The following CNTRL variants were observed in gnomAD, a reference collection of about 807,000 sequenced individuals.
CNTRL encodes centriolin, also known as 110 kDa centrosomal protein.
In CNTRL, 233 loss-of-function variants were observed where a neutral mutation model predicts 303.7. The ratio of observed to expected loss-of-function variants is 0.77; its 90% CI spans 0.69 to 0.86. The LOEUF is 0.86. CNTRL is among the 40% of genes least tolerant of loss of function. The probability of loss-of-function intolerance (pLI) is 0.00; values close to 1 mark genes in which losing one functional copy is unlikely to be tolerated. For synonymous variants in CNTRL, 900 were observed against 922.2 expected, an observed-to-expected ratio of 0.98 and a Z score of 0.44; for missense variants, 2,524 against 2,650.6, an observed-to-expected ratio of 0.95 and a Z score of 1.05.
Position 121,148,701 on chromosome 9 carries a change from G to A in CNTRL, c.3489G>A (p.Lys1163=). The A allele has an allele frequency of 1.2e-6, 2 of 1,613,878 alleles. No homozygotes were observed. Among genetic ancestry groups the A allele is most frequent in the Non-Finnish European group, 1.7e-6 (2 of 1,179,864 alleles). The change falls in exon 24 of 44, where the codon AAG becomes AAA. Residue 1163 remains lysine, a synonymous_variant. Transcript: ENST00000373855. ...KVSSHSSQAT[K]DSGVGLKYSA... is the part of the protein sequence containing the mutation. Reference sequence around the variant, plus strand: ...CCAGCCATAGTTCCCAGGCCACCAAGGACTCTGGTGTTGGCCTTAAGTACT... The same window carrying A: ...CCAGCCATAGTTCCCAGGCCACCAAAGACTCTGGTGTTGGCCTTAAGTACT...
chr9:121,092,927 C>T (rs747506378), intron 4 of CNTRL, among the ~76,000 whole-genome samples: 5 of 147,564 alleles, frequency 3.4e-5, no homozygotes, highest in Non-Finnish European at 7.4e-5. Context: ...CTGCCTTAGC[C>T]TCCTGAGTAG....
chr9:121,139,456 A>G (rs1385992246), intron 16 of CNTRL, among the ~76,000 whole-genome samples: 1 of 152,164 alleles, frequency 6.6e-6, no homozygotes, highest in Non-Finnish European at 1.5e-5. Flanking sequence ...GAGAAATAAG[A>G]CTAAACTCAC....
intron 14 of CNTRL, among the ~76,000 whole-genome samples, chr9:121,127,804 C>T (rs1171955460): frequency 8.1e-6 from 1 of 123,844 alleles, no homozygotes; most frequent in Non-Finnish European, 1.7e-5. Context: ...CTCCCCCCAC[C>T]CCACGACAGG....
chr9:121,146,229 CT>C lies in CNTRL; in HGVS notation c.3435del (p.Phe1145LeufsTer101), dbSNP rs1242966122. The C allele has an allele frequency of 3.7e-6, 6 of 1,612,398 alleles. No homozygotes were observed. The highest frequency in any genetic ancestry group is 5.1e-6 in the Non-Finnish European group (6 of 1,179,604). ...DPFKRRGYWY[F>X]MPPPPSSKVS... ...CTTTCAAAAGACGAGGCTATTGGTA[CT>C]TTATGCCACCACCACCATCATCAAA... On this transcript the variant is annotated frameshift_variant, in exon 23 of 44. Coordinates refer to ENST00000373855, the MANE Select transcript of CNTRL (RefSeq NM_007018.6). LOFTEE classifies it high-confidence loss of function.
chr9:121,154,933 G>T lies in CNTRL; in HGVS notation c.4365+20G>T. The T allele has an allele frequency of 6.2e-7, 1 of 1,610,300 alleles. No individual in the cohort carries two copies. Among genetic ancestry groups the T allele is most frequent in the South Asian group, 1.1e-5 (1 of 90,944 alleles). ...GAAAAGGTTTGTCTTCTTGTGGTTT[G>T]GGGTGTGAGCTCAGTGTGGGTGAGT... On this transcript the variant is annotated intron_variant, in intron 27 of 43. Coordinates refer to ENST00000373855, the MANE Select transcript of CNTRL (RefSeq NM_007018.6).
At chr9:121,172,150 A>C (rs759368837) in intron 40 of CNTRL, among the ~76,000 whole-genome samples, 2 of 152,206 alleles carry the variant, frequency 1.3e-5, no homozygotes, top group Non-Finnish European at 2.9e-5. Flanking sequence ...CTGATGCCCC[A>C]CATATACCCA....
At chr9:121,137,395 A>C (rs2051256616) in intron 15 of CNTRL, among the ~76,000 whole-genome samples, 1 of 152,168 alleles carries the variant, frequency 6.6e-6, no homozygotes, top group Non-Finnish European at 1.5e-5. Flanking sequence ...GTGAATGCCC[A>C]AATTGTATCT....
chr9:121,100,110 G>T (rs573567192), intron 7 of CNTRL, among the ~76,000 whole-genome samples: 109 of 152,320 alleles, frequency 7.2e-4, no homozygotes, highest in Non-Finnish European at 1.0e-3. Context: ...GTAATTGTCA[G>T]ATTCATCAAA....
rs751971685 is a variant in CNTRL, at chr9:121,166,075, TTTC to T, written c.5582-29_5582-27del. On this transcript the variant is annotated intron_variant, in intron 35 of 43. Coordinates refer to ENST00000373855, the MANE Select transcript of CNTRL (RefSeq NM_007018.6). The stretch of plus-strand genomic sequence containing the variant: ...AATCTGTACAGTAAATACGTATGTA[TTTC>T]TTATTTCATGAGAATGTCATTTCTT... 3.3e-6 allele frequency: 5 copies of T among 1,535,710 alleles called. No homozygotes were observed. The African/African-American group carries it at 6.9e-5, about 21-fold the overall frequency.
In CNTRL at chr9:121,138,727, G is replaced by A. The variant is rs759848188; in HGVS notation, c.2337+48G>A. On this transcript the variant is annotated intron_variant, in intron 16 of 43. Transcript: ENST00000373855. Reference sequence around the variant, plus strand: ...TACATTCTTACACAGAACACCCAAAGATGATGATATCTTTAGTCAGGCACT... The same window carrying A: ...TACATTCTTACACAGAACACCCAAAAATGATGATATCTTTAGTCAGGCACT... The A allele has an allele frequency of 1.5e-5, 24 of 1,589,910 alleles. No individual in the cohort carries two copies. In the African/African-American group the frequency reaches 2.2e-4, roughly 14 times the overall value.
In CNTRL at chr9:121,173,233, C is replaced by G; in HGVS notation, c.6418-10C>G. ...TATACAATGATATTTGACACCAACTCACTGTTTAGATGGCAAACCAAAAAG... is the reference window on the plus strand; with the variant it reads ...TATACAATGATATTTGACACCAACTGACTGTTTAGATGGCAAACCAAAAAG... On this transcript the variant is annotated splice_polypyrimidine_tract_variant and intron_variant, in intron 40 of 43. Coordinates refer to ENST00000373855, the MANE Select transcript of CNTRL (RefSeq NM_007018.6). The G allele has an allele frequency of 6.3e-7, 1 of 1,597,458 alleles. No homozygotes were observed. The highest frequency in any genetic ancestry group is 8.5e-7 in the Non-Finnish European group (1 of 1,171,464).
At chr9:121,125,242 A>C (rs1448434478) in intron 13 of CNTRL, among the ~76,000 whole-genome samples, 1 of 150,042 alleles carries the variant, frequency 6.7e-6, no homozygotes, top group Non-Finnish European at 1.5e-5. Flanking sequence ...ATCTTGGCTC[A>C]CTGCAACCTC....
intron 1 of CNTRL, among the ~76,000 whole-genome samples, chr9:121,075,998 C>T (rs1048750412): frequency 2.6e-5 from 4 of 152,280 alleles, no homozygotes; most frequent in Non-Finnish European, 5.9e-5. Flanking sequence ...ACAGCTAAAT[C>T]TTTGAGGATT....
chr9:121,096,385 G>A (rs780670417), intron 5 of CNTRL, 37 bp from the exon 6 acceptor site: 2 of 1,370,352 alleles, frequency 1.5e-6, no homozygotes, highest in Non-Finnish European at 2.0e-6. Flanking sequence ...CTCTATAATT[G>A]TACTCACTAA....
At position 121,113,523 on chromosome 9, in the gene CNTRL, C is replaced by T. The variant is rs1429487958; in HGVS notation, c.1144C>T (p.Pro382Ser). The change falls in exon 10 of 44, where the codon CCA becomes TCA. Residue 382 changes from proline (P) to serine (S), a missense_variant. Transcript: ENST00000373855. ...TTAGTATGCTGAAATTGATAAAGCC[C>T]CAGATGAAAGCCCTTACATTGGCAA... ...PSEYAEIDKA[P>S]DESPYIGKSR... is the part of the protein sequence containing the mutation. 3.2e-6 allele frequency: 5 copies of T among 1,579,796 alleles called. No individual in the cohort carries two copies. The highest frequency in any genetic ancestry group is 4.3e-6 in the Non-Finnish European group (5 of 1,168,420).
intron 11 of CNTRL, 68 bp downstream of exon 11, chr9:121,115,268 C>A: frequency 1.2e-6 from 1 of 812,944 alleles, no homozygotes; most frequent in Non-Finnish European, 1.9e-6. Flanking sequence ...CCTTCATAAC[C>A]ATATAAAACA....
At chr9:121,174,506 C>A (rs1222749229) in intron 42 of CNTRL, among the ~76,000 whole-genome samples, 1 of 152,186 alleles carries the variant, frequency 6.6e-6, no homozygotes, top group Admixed American at 6.5e-5. Context: ...ACATTCCCAT[C>A]ATTGCAGAAA....
intron 15 of CNTRL, among the ~76,000 whole-genome samples, chr9:121,136,354 G>A (rs772758391): frequency 2.6e-5 from 4 of 152,062 alleles, no homozygotes; most frequent in Non-Finnish European, 5.9e-5. Context: ...TCTGTTGCTA[G>A]GCTGGAGTAC....
chr9:121,112,623 T>G, intron 9 of CNTRL, 45 bp downstream of exon 9: 1 of 1,589,382 alleles, frequency 6.3e-7, no homozygotes, highest in East Asian at 2.2e-5. Context: ...AAAGCCCACA[T>G]GGGATGGAAT....
Sources: allele counts gnomAD v4.1 joint callset (sites outside exome capture counted in the v4.1 genomes callset), GRCh38; gene constraint gnomAD v4.1.1; transcripts MANE v1.5; gene names NCBI Gene and HGNC (gene_info 2026-07-23, HGNC 2026-07-21).